The following SND1 variants were observed in gnomAD, a reference collection of about 807,000 sequenced individuals.
The protein encoded by SND1 is staphylococcal nuclease domain-containing protein 1.
Under a neutral mutation model 121.7 loss-of-function variants are expected in SND1, and 38 were observed. The ratio of observed to expected loss-of-function variants is 0.31; its 90% CI spans 0.24 to 0.41. The LOEUF (loss-of-function observed/expected upper bound fraction) is 0.41. SND1 is among the 10% of genes least tolerant of loss of function. SND1 has a pLI of 1.00. For missense variants in SND1, 868 were observed against 1,184.6 expected, an observed-to-expected ratio of 0.73 and a Z score of 3.92; for synonymous variants, 401 against 447.4, an observed-to-expected ratio of 0.90 and a Z score of 1.31.
chr7:127,756,145 T>TTA (rs1797190833), intron 10 of SND1, among the ~76,000 whole-genome samples: 1 of 152,188 alleles, frequency 6.6e-6, no homozygotes, highest in African/African-American at 2.4e-5. Context: ...TATAAACCAA[T>TTA]TACGCTAGAG....
intron 9 of SND1, among the ~76,000 whole-genome samples, chr7:127,707,898 T>C (rs1159504151): frequency 6.6e-6 from 1 of 152,026 alleles, no homozygotes; most frequent in African/African-American, 2.4e-5. Context: ...ATATCTCTCA[T>C]AGTTTAGGAC....
At chr7:127,823,107 A>G (rs1209607772) in intron 11 of SND1, among the ~76,000 whole-genome samples, 1 of 152,232 alleles carries the variant, frequency 6.6e-6, no homozygotes, top group Admixed American at 6.5e-5. Flanking sequence ...GGGTCCTGAT[A>G]AGGCTGAGTG....
intron 15 of SND1, among the ~76,000 whole-genome samples, chr7:127,967,119 C>T (rs1297411437): frequency 2.0e-5 from 3 of 152,156 alleles, no homozygotes; most frequent in African/African-American, 7.2e-5. Flanking sequence ...CCCTCGGTTT[C>T]CCCCATGCTC....
chr7:127,821,304 G>C (rs1308323937), intron 11 of SND1, among the ~76,000 whole-genome samples: 2 of 152,138 alleles, frequency 1.3e-5, no homozygotes, highest in African/African-American at 4.8e-5. Context: ...AGTAGCATGC[G>C]GGGTGCTTGG....
intron 10 of SND1, among the ~76,000 whole-genome samples, chr7:127,765,723 A>T (rs185564904): frequency 1.3e-5 from 2 of 152,334 alleles, no homozygotes; most frequent in African/African-American, 2.4e-5. Flanking sequence ...ATTAAGAAAG[A>T]TAAAGGATCT....
intron 10 of SND1, among the ~76,000 whole-genome samples, chr7:127,734,177 CCG>C (rs1350910415): frequency 6.6e-6 from 1 of 152,090 alleles, no homozygotes; most frequent in Non-Finnish European, 1.5e-5. Flanking sequence ...GTGAGATTCC[CCG>C]CTCCAGGTCT....
chr7:127,891,558 A>G (rs1480639933), intron 13 of SND1, among the ~76,000 whole-genome samples: 1 of 151,892 alleles, frequency 6.6e-6, no homozygotes, highest in Non-Finnish European at 1.5e-5. Flanking sequence ...GTTTTTTCCT[A>G]GATAGATTAG....
At chr7:128,065,910 C>A (rs1013293441) in intron 16 of SND1, among the ~76,000 whole-genome samples, 27 of 152,308 alleles carry the variant, frequency 1.8e-4, no homozygotes, top group African/African-American at 6.0e-4. Flanking sequence ...AGAATGAGGG[C>A]CCCCTGATTC....
At chr7:128,053,134 G>A (rs2117023319) in intron 16 of SND1, among the ~76,000 whole-genome samples, 1 of 152,326 alleles carries the variant, frequency 6.6e-6, no homozygotes, top group Admixed American at 6.5e-5. Context: ...GGGTTTTAAG[G>A]CTTTCAGAAT....
chr7:128,080,202 T>C (rs1446108058), intron 17 of SND1, among the ~76,000 whole-genome samples: 1 of 152,212 alleles, frequency 6.6e-6, no homozygotes, highest in East Asian at 1.9e-4. Flanking sequence ...CGTGATCCAT[T>C]CTCTGCACTC....
intron 8 of SND1, among the ~76,000 whole-genome samples, chr7:127,706,230 T>G (rs1796193276): frequency 7.0e-6 from 1 of 141,968 alleles, no homozygotes; most frequent in Non-Finnish European, 1.5e-5. Flanking sequence ...TTTTTTTGCA[T>G]TCTTTAATTT....
chr7:127,720,867 T>C (rs1479153729), intron 9 of SND1, among the ~76,000 whole-genome samples: 5 of 152,202 alleles, frequency 3.3e-5, no homozygotes, highest in Non-Finnish European at 5.9e-5. Context: ...CTTTCTCATC[T>C]AGTGCTGGTA....
intron 15 of SND1, among the ~76,000 whole-genome samples, chr7:127,977,328 C>A: frequency 6.6e-6 from 1 of 151,808 alleles, no homozygotes; most frequent in African/African-American, 2.4e-5. Flanking sequence ...AATGTTCAAC[C>A]CAGAGAAAAT....
At chr7:127,764,433 G>A (rs1797373436) in intron 10 of SND1, among the ~76,000 whole-genome samples, 1 of 152,166 alleles carries the variant, frequency 6.6e-6, no homozygotes, top group African/African-American at 2.4e-5. Context: ...AACTCTGGAA[G>A]GAACTCCATG....
At chr7:127,662,146 C>G (rs1051212875) in intron 1 of SND1, among the ~76,000 whole-genome samples, 2 of 151,994 alleles carry the variant, frequency 1.3e-5, no homozygotes, top group Non-Finnish European at 2.9e-5. Context: ...TCTCTGCCCT[C>G]CTTGCCCCTC....
At chr7:127,798,688 A>T (rs911843394) in intron 10 of SND1, among the ~76,000 whole-genome samples, 4 of 152,074 alleles carry the variant, frequency 2.6e-5, no homozygotes, top group African/African-American at 9.7e-5. Flanking sequence ...TTTAAAAGTC[A>T]TGGGGCCAAG....
At chr7:127,976,282 G>A (rs1183249909) in intron 15 of SND1, among the ~76,000 whole-genome samples, 1 of 152,260 alleles carries the variant, frequency 6.6e-6, no homozygotes, top group African/African-American at 2.4e-5. Flanking sequence ...TCCTGGTGCT[G>A]TCCTTCTTTT....
intron 10 of SND1, among the ~76,000 whole-genome samples, chr7:127,764,434 G>A (rs543261227): frequency 3.3e-5 from 5 of 152,270 alleles, no homozygotes; most frequent in African/African-American, 1.2e-4. Context: ...ACTCTGGAAG[G>A]AACTCCATGC....
chr7:127,669,330 AC>A (rs1795474662), intron 1 of SND1, among the ~76,000 whole-genome samples: 1 of 151,946 alleles, frequency 6.6e-6, no homozygotes, highest in African/African-American at 2.4e-5. Flanking sequence ...TTCCCTTGTT[AC>A]CCACTTCAGT....
Sources: gnomAD v4.1 joint callset for allele counts (sites outside exome capture counted in the v4.1 genomes callset) on GRCh38, gnomAD v4.1.1 for gene constraint, MANE v1.5 for transcripts, NCBI Gene and HGNC (gene_info 2026-07-23, HGNC 2026-07-21) for gene names.